The following FANCL variants were observed in gnomAD, a reference collection of about 807,000 sequenced individuals.
The protein encoded by FANCL is E3 ubiquitin-protein ligase FANCL.
A neutral mutation model predicts 59.4 loss-of-function variants in FANCL; 69 were observed. That is an observed-to-expected ratio of 1.16 (90% CI 0.96 to 1.42). FANCL has a LOEUF of 1.42. Ranked by LOEUF, FANCL falls within the 40% of genes most tolerant of loss-of-function variation. The pLI is 0.00. For missense variants in FANCL, 519 were observed against 447.2 expected, an observed-to-expected ratio of 1.16 and a Z score of -1.45; for synonymous variants, 180 against 147.1, an observed-to-expected ratio of 1.22 and a Z score of -1.62.
intron 1 of FANCL, among the ~76,000 whole-genome samples, chr2:58,235,593 T>C (rs748813886): frequency 6.6e-6 from 1 of 152,016 alleles, no homozygotes; most frequent in Non-Finnish European, 1.5e-5. Flanking sequence ...ATGCAACAGG[T>C]AGCATTCATT....
intron 7 of FANCL, among the ~76,000 whole-genome samples, chr2:58,177,920 C>T (rs77679102): frequency 0.03 from 4,518 of 152,052 alleles, 241 homozygotes; most frequent in African/African-American, 0.1. Context: ...CGCCACTGAT[C>T]CTACAGAAAT....
chr2:58,217,225 C>T (rs1277855105), intron 5 of FANCL, among the ~76,000 whole-genome samples: 825 of 34,280 alleles, frequency 0.024, 6 homozygotes, highest in Middle Eastern at 0.094. Context: ...TACACACACA[C>T]ACACACACAC....
At chr2:58,237,841 A>G (rs1467036012) in intron 1 of FANCL, among the ~76,000 whole-genome samples, 1 of 152,210 alleles carries the variant, frequency 6.6e-6, no homozygotes, top group Non-Finnish European at 1.5e-5. Context: ...AAGCAGAAGT[A>G]AATGTGTGTG....
intron 5 of FANCL, among the ~76,000 whole-genome samples, chr2:58,215,088 A>T (rs1691580537): frequency 6.6e-6 from 1 of 152,214 alleles, no homozygotes; most frequent in African/African-American, 2.4e-5. Context: ...CTATGCTCTA[A>T]AAAACAAATA....
chr2:58,181,171 G>T (rs1053633509), intron 7 of FANCL, among the ~76,000 whole-genome samples: 2 of 151,944 alleles, frequency 1.3e-5, no homozygotes, highest in Non-Finnish European at 2.9e-5. Flanking sequence ...ACAGGCAAAA[G>T]GATTAACAAA....
intron 7 of FANCL, among the ~76,000 whole-genome samples, chr2:58,172,256 T>C (rs143677901): frequency 0.012 from 1,856 of 152,308 alleles, 33 homozygotes; most frequent in African/African-American, 0.042. Flanking sequence ...AGTGGTTCTC[T>C]CAGCACGCAC....
rs935173321 is a variant in FANCL, at chr2:58,159,385, C to G, written c.*380G>C. ...GAGAAGACAGAAATATCAAGAGTCT[C>G]AAGAACCTTTGAATGAAGTAAACAG... On this transcript the variant is annotated 3_prime_UTR_variant, in exon 14 of 14. Coordinates refer to ENST00000233741, the MANE Select transcript of FANCL (RefSeq NM_018062.4). 9.9e-6 allele frequency: 16 copies of G among 1,612,494 alleles called. No homozygotes were observed. Among genetic ancestry groups the G allele is most frequent in the Non-Finnish European group, 1.3e-5 (15 of 1,179,362 alleles).
chr2:58,217,716 A>G (rs1271190264), intron 5 of FANCL, among the ~76,000 whole-genome samples: 2 of 152,058 alleles, frequency 1.3e-5, no homozygotes, highest in Non-Finnish European at 2.9e-5. Flanking sequence ...TGAGGAACAA[A>G]AACAATTCCA....
intron 1 of FANCL, among the ~76,000 whole-genome samples, chr2:58,240,557 G>A (rs1418519585): frequency 2.6e-5 from 4 of 152,278 alleles, no homozygotes; most frequent in Non-Finnish European, 5.9e-5. Flanking sequence ...AAAAATTTCT[G>A]CCTCAAAGGG....
At position 58,241,255 on chromosome 2, in the gene FANCL, C is replaced by A. The variant is rs755044475; in HGVS notation, c.59G>T (p.Arg20Leu). 6.2e-7 allele frequency: 1 copy of A among 1,614,250 alleles called. No individual in the cohort carries two copies. The highest frequency in any genetic ancestry group is 8.5e-7 in the Non-Finnish European group (1 of 1,180,040). Residue 20 changes from arginine (R) to leucine (L), a missense_variant, in exon 1 of 14, where the codon CGG becomes CTG. By Grantham distance (102) the Arg-to-Leu change is moderately radical. Coordinates refer to ENST00000233741, the MANE Select transcript of FANCL (RefSeq NM_018062.4). ...GAATCCCTCATACACGGTTTTCGAC[C>A]GGTTCTGGGGCAGAAGCAGGGGGCA... Reference protein sequence around the residue: ...RQCPLLLPQNRSKTVYEGFIS... With the variant: ...RQCPLLLPQNLSKTVYEGFIS...
chr2:58,173,246 A>G (rs1686870638), intron 7 of FANCL, among the ~76,000 whole-genome samples: 1 of 152,250 alleles, frequency 6.6e-6, no homozygotes, highest in African/African-American at 2.4e-5. Flanking sequence ...TCCCCAATCT[A>G]GCAAGGCAGG....
At chr2:58,163,095 ATTT>A in intron 9 of FANCL, 21 bp from the exon 10 acceptor site, 1 of 1,568,072 alleles carries the variant, frequency 6.4e-7, no homozygotes, top group Non-Finnish European at 8.8e-7. Context: ...AAAAAAAAAA[ATTT>A]AATAATTGCA....
At chr2:58,225,289 A>G (rs1692887578) in intron 4 of FANCL, among the ~76,000 whole-genome samples, 1 of 151,894 alleles carries the variant, frequency 6.6e-6, no homozygotes, top group Non-Finnish European at 1.5e-5. Context: ...TTATTCTAAA[A>G]ATTGGTTTCT....
chr2:58,238,448 T>C lies in FANCL; in HGVS notation c.96+2770A>G, dbSNP rs371433803. Among the ~76,000 whole-genome samples the C allele has an allele frequency of 7.0e-4, 107 of 152,290 alleles. 2 individuals are homozygous for C. The South Asian group carries it at 0.022, about 31-fold the overall frequency. ...AAATAGCAGCAAAAGATAACCAACATAGAGAGCATCATTACAGATCCTAAA... is the reference window on the plus strand; with the variant it reads ...AAATAGCAGCAAAAGATAACCAACACAGAGAGCATCATTACAGATCCTAAA... On this transcript the variant is annotated intron_variant, in intron 1 of 13. Coordinates refer to ENST00000233741, the MANE Select transcript of FANCL (RefSeq NM_018062.4).
chr2:58,225,007 T>C (rs1692845270), intron 4 of FANCL, among the ~76,000 whole-genome samples: 1 of 151,892 alleles, frequency 6.6e-6, no homozygotes, highest in South Asian at 2.1e-4. Flanking sequence ...CATGATTCTT[T>C]GGAGAAATGG....
At chr2:58,198,737 G>C (rs1689688093) in intron 6 of FANCL, 75 bp from the exon 7 acceptor site, 3 of 1,213,584 alleles carry the variant, frequency 2.5e-6, no homozygotes, top group Non-Finnish European at 1.2e-6. Context: ...AGAAAAACTA[G>C]ATGTATTAGG....
At position 58,222,002 on chromosome 2, in the gene FANCL, G is replaced by C. The variant is rs1351046168; in HGVS notation, c.314C>G (p.Pro105Arg). 1 of 1,613,492 alleles carries C rather than the reference G, an allele frequency of 6.2e-7. No individual in the cohort carries two copies. Residue 105 changes from proline to arginine, a missense_variant, in exon 5 of 14, where the codon CCT (proline) becomes CGT (arginine). Coordinates refer to ENST00000233741, the MANE Select transcript of FANCL (RefSeq NM_018062.4). ...LKNRQELYAL[P>R]PPPQFYSSLI... ...GCTTGAGTAGAACTGGGGAGGAGGA[G>C]GTAGTGCATACAGCTCTTGTCTATT...
rs371524685 is a variant in FANCL, at chr2:58,160,209, G to A, written c.1021-30C>T. ...AAATTTTAAAAGATAAAGGAGAAGC[G>A]TCAGCATGATTACAAATTACAGATA... On this transcript the variant is annotated intron_variant, in intron 12 of 13. Coordinates refer to ENST00000233741, the MANE Select transcript of FANCL (RefSeq NM_018062.4). The A allele has an allele frequency of 3.2e-5, 52 of 1,603,570 alleles. No individual in the cohort carries two copies. The East Asian group carries it at 6.9e-4, about 21-fold the overall frequency.
chr2:58,163,449 G>C lies in FANCL; in HGVS notation c.760C>G (p.Leu254Val), dbSNP rs1331385236. 3 of 1,609,512 alleles carry C rather than the reference G, an allele frequency of 1.9e-6. No homozygotes were observed. The highest frequency in any genetic ancestry group is 2.6e-6 in the Non-Finnish European group (3 of 1,176,162). ...HPTMLPECFF[L>V]GADHVVKPLG... ...GATGTCATACCATGGTCAGCTCCAA[G>C]AAAGAAGCACTCAGGAAGCATAGTA... Residue 254 changes from leucine to valine, a missense_variant, in exon 9 of 14, where the codon CTT (leucine) becomes GTT (valine). Coordinates refer to ENST00000233741, the MANE Select transcript of FANCL (RefSeq NM_018062.4).
Sources: allele counts gnomAD v4.1 joint callset (sites outside exome capture counted in the v4.1 genomes callset), GRCh38; gene constraint gnomAD v4.1.1; transcripts MANE v1.5; gene names NCBI Gene and HGNC (gene_info 2026-07-23, HGNC 2026-07-21).